DDAH1: variants seen among roughly 807,000 people sequenced by gnomAD.
DDAH1 encodes N(G),N(G)-dimethylarginine dimethylaminohydrolase 1.
In DDAH1, 19 loss-of-function variants were observed where a neutral mutation model predicts 28.8. That is an observed-to-expected ratio of 0.66 (90% CI 0.46 to 0.97). The LOEUF is 0.97. Among genes scored for constraint, DDAH1 ranks in the 50% least tolerant of loss-of-function variants. The pLI is 0.00. For synonymous variants in DDAH1, 153 were observed against 154.4 expected (o/e 0.99, Z 0.07); for missense variants, 326 against 375.9 (o/e 0.87, Z 1.10).
intron 1 of DDAH1, among the ~76,000 whole-genome samples, chr1:85,457,722 T>C (rs1250094727): frequency 2.0e-5 from 3 of 152,182 alleles, no homozygotes; most frequent in Non-Finnish European, 2.9e-5. Flanking sequence ...GGAGTTTCGC[T>C]CTTGTTGCCC....
At chr1:85,538,586 C>G (rs1432928639) in intron 1 of DDAH1, among the ~76,000 whole-genome samples, 1 of 152,024 alleles carries the variant, frequency 6.6e-6, no homozygotes, top group East Asian at 1.9e-4. Context: ...CCTCAGATCG[C>G]CTGTGCTGTG....
At chr1:85,454,632 G>C (rs962355074) in intron 1 of DDAH1, among the ~76,000 whole-genome samples, 1 of 151,952 alleles carries the variant, frequency 6.6e-6, no homozygotes, top group Non-Finnish European at 1.5e-5. Flanking sequence ...GTGTAAAAAT[G>C]AAACAAGTTT....
intron 1 of DDAH1, among the ~76,000 whole-genome samples, chr1:85,409,498 G>A (rs1652549349): frequency 1.3e-5 from 2 of 152,154 alleles, no homozygotes; most frequent in South Asian, 4.1e-4. Flanking sequence ...TTAAGTTCTA[G>A]TCACATCAAA....
chr1:85,562,407 GT>G (rs1327450973), intron 1 of DDAH1, among the ~76,000 whole-genome samples: 3 of 152,104 alleles, frequency 2.0e-5, no homozygotes, highest in African/African-American at 7.2e-5. Context: ...AAGAATAAAA[GT>G]TTCTGTTATG....
intron 4 of DDAH1, among the ~76,000 whole-genome samples, chr1:85,342,261 G>GATT (rs1205080487): frequency 6.6e-6 from 1 of 152,092 alleles, no homozygotes; most frequent in African/African-American, 2.4e-5. Context: ...ATCAACATAT[G>GATT]ATTATTATTT....
At chr1:85,470,907 G>A (rs1374533005) in intron 2 of DDAH1, among the ~76,000 whole-genome samples, 1 of 152,174 alleles carries the variant, frequency 6.6e-6, no homozygotes, top group Non-Finnish European at 1.5e-5. Flanking sequence ...CAGTGGATAA[G>A]GCATGGGTTT....
intron 1 of DDAH1, among the ~76,000 whole-genome samples, chr1:85,502,287 C>G (rs1553142656): frequency 1.3e-5 from 2 of 152,090 alleles, no homozygotes; most frequent in Non-Finnish European, 2.9e-5. Context: ...TGGTGGTTGC[C>G]CAACAACGAG....
chr1:85,518,394 C>T (rs1266081753), intron 1 of DDAH1, among the ~76,000 whole-genome samples: 1 of 152,182 alleles, frequency 6.6e-6, no homozygotes, highest in East Asian at 1.9e-4. Flanking sequence ...TTTCCCTGCT[C>T]GTTCAGGTGT....
intron 4 of DDAH1, among the ~76,000 whole-genome samples, chr1:85,327,865 C>T (rs1647509678): frequency 6.6e-6 from 1 of 152,198 alleles, no homozygotes; most frequent in Non-Finnish European, 1.5e-5. Context: ...GGTTCACTTC[C>T]CTCTTTGTTT....
chr1:85,334,961 A>G (rs1648014601), intron 4 of DDAH1, among the ~76,000 whole-genome samples: 1 of 152,196 alleles, frequency 6.6e-6, no homozygotes, highest in Non-Finnish European at 1.5e-5. Context: ...ATGAAGGACA[A>G]ATTCAGAGTT....
At chr1:85,448,959 C>T (rs1264517529) in intron 1 of DDAH1, among the ~76,000 whole-genome samples, 2 of 152,130 alleles carry the variant, frequency 1.3e-5, no homozygotes, top group African/African-American at 4.8e-5. Flanking sequence ...CTAGTTACTA[C>T]AGGAGAAGGG....
intron 1 of DDAH1, among the ~76,000 whole-genome samples, chr1:85,375,905 C>T (rs898108541): frequency 1.3e-5 from 2 of 152,098 alleles, no homozygotes; most frequent in African/African-American, 4.8e-5. Context: ...GAAGAAAAAA[C>T]ATTCATTTCC....
intron 2 of DDAH1, among the ~76,000 whole-genome samples, chr1:85,476,622 G>A (rs185650836): frequency 5.3e-5 from 8 of 152,016 alleles, no homozygotes; most frequent in African/African-American, 1.2e-4. Context: ...GGAAGCTGCC[G>A]TGCTCTTTAG....
At chr1:85,384,006 C>T (rs1475594398) in intron 1 of DDAH1, among the ~76,000 whole-genome samples, 4 of 152,260 alleles carry the variant, frequency 2.6e-5, no homozygotes, top group Non-Finnish European at 5.9e-5. Flanking sequence ...GGAACCTGTA[C>T]TATCTCTGAG....
At chr1:85,529,397 A>G (rs1320543385) in intron 1 of DDAH1, among the ~76,000 whole-genome samples, 2 of 151,968 alleles carry the variant, frequency 1.3e-5, no homozygotes, top group Non-Finnish European at 2.9e-5. Flanking sequence ...TGAGACTGAG[A>G]AATATATATT....
chr1:85,377,895 G>T (rs911322302), intron 1 of DDAH1, among the ~76,000 whole-genome samples: 4 of 152,068 alleles, frequency 2.6e-5, no homozygotes, highest in Non-Finnish European at 5.9e-5. Context: ...CAAAATTTTT[G>T]TATTTGATCT....
chr1:85,386,520 T>G (rs2100545175), intron 1 of DDAH1, among the ~76,000 whole-genome samples: 1 of 152,338 alleles, frequency 6.6e-6, no homozygotes, highest in East Asian at 1.9e-4. Flanking sequence ...TCCTAAGGCC[T>G]TAGGCAGTGC....
chr1:85,358,602 T>C lies in DDAH1; in HGVS notation c.403+146A>G, dbSNP rs779045349. Reference sequence around the variant, plus strand: ...AGGCGGAGGTTGCAGCAAGCCAAGATGGCGCCACTGCACTCCGGCCTAGGT... The same window carrying C: ...AGGCGGAGGTTGCAGCAAGCCAAGACGGCGCCACTGCACTCCGGCCTAGGT... On this transcript the variant is annotated intron_variant, in intron 2 of 5. Coordinates refer to ENST00000284031, the MANE Select transcript of DDAH1 (RefSeq NM_012137.4). 90 of 590,990 alleles carry C rather than the reference T, an allele frequency of 1.5e-4. 1 individual carries two copies. Among genetic ancestry groups the C allele is most frequent in the Non-Finnish European group, 2.4e-4 (82 of 347,178 alleles). 36.6% of individuals were successfully genotyped at this position (590,990 alleles called of 1,614,324 possible).
At chr1:85,341,849 A>C (rs536780191) in intron 4 of DDAH1, among the ~76,000 whole-genome samples, 1 of 152,102 alleles carries the variant, frequency 6.6e-6, no homozygotes, top group East Asian at 1.9e-4. Context: ...AAACAAAAAA[A>C]AACCCCAGAT....
Sources: gnomAD v4.1 joint callset for allele counts (sites outside exome capture counted in the v4.1 genomes callset) on GRCh38, gnomAD v4.1.1 for gene constraint, MANE v1.5 for transcripts, NCBI Gene and HGNC (gene_info 2026-07-23, HGNC 2026-07-21) for gene names.